AIG1: variants seen among roughly 807,000 people sequenced by gnomAD.
AIG1 encodes the protein androgen-induced gene 1 protein.
AIG1 carries 23 observed loss-of-function variants against 31.4 expected under a neutral mutation model. The observed-to-expected ratio is 0.73, with a 90% CI of 0.53 to 1.04. The LOEUF (loss-of-function observed/expected upper bound fraction) is 1.04, where lower values mean the gene tolerates loss of function less well. Ranked by LOEUF, AIG1 falls within the 50% of genes least tolerant of loss-of-function variation. The probability of loss-of-function intolerance (pLI) is 0.00; values close to 1 mark genes in which losing one functional copy is unlikely to be tolerated. For synonymous variants in AIG1, 100 were observed against 110.5 expected (o/e 0.90, Z 0.60); for missense variants, 274 against 295.0 (o/e 0.93, Z 0.52).
At chr6:143,229,596 T>C (rs1014569020) in intron 3 of AIG1, among the ~76,000 whole-genome samples, 4 of 152,174 alleles carry the variant, frequency 2.6e-5, no homozygotes, top group African/African-American at 4.8e-5. Flanking sequence ...TGTCATTGCT[T>C]GTGTCTCAAA....
At chr6:143,125,570 C>T (rs1404415701) in intron 1 of AIG1, among the ~76,000 whole-genome samples, 5 of 152,178 alleles carry the variant, frequency 3.3e-5, no homozygotes. Flanking sequence ...GCTGAGGAAG[C>T]TCAGTCAGAA....
intron 3 of AIG1, among the ~76,000 whole-genome samples, chr6:143,201,101 A>T (rs1790660674): frequency 1.3e-5 from 2 of 152,166 alleles, no homozygotes; most frequent in South Asian, 4.1e-4. Context: ...TCCATGGGAC[A>T]ATTCTATCAG....
At chr6:143,167,294 A>T (rs1787060288) in intron 3 of AIG1, among the ~76,000 whole-genome samples, 1 of 152,198 alleles carries the variant, frequency 6.6e-6, no homozygotes, top group South Asian at 2.1e-4. Context: ...TGATATCTCC[A>T]AATATGAGGA....
chr6:143,181,198 C>T (rs763784620), intron 3 of AIG1, among the ~76,000 whole-genome samples: 20 of 152,198 alleles, frequency 1.3e-4, no homozygotes, highest in South Asian at 8.3e-4. Context: ...ATTTTCCACA[C>T]GTATTCTAAA....
chr6:143,204,961 G>A (rs1005120010), intron 3 of AIG1, among the ~76,000 whole-genome samples: 7 of 152,070 alleles, frequency 4.6e-5, no homozygotes, highest in South Asian at 4.2e-4. Context: ...CTTTTACCTC[G>A]GGGTTGTTTC....
intron 3 of AIG1, among the ~76,000 whole-genome samples, chr6:143,208,622 G>A (rs969428284): frequency 5.3e-5 from 8 of 152,126 alleles, no homozygotes; most frequent in South Asian, 2.1e-4. Context: ...CAGCAAAATA[G>A]TGGCATCATA....
intron 2 of AIG1, among the ~76,000 whole-genome samples, chr6:143,156,653 G>C (rs187443912): frequency 1.4e-3 from 216 of 152,342 alleles, no homozygotes; most frequent in Non-Finnish European, 1.9e-3. Flanking sequence ...ACCACATGCA[G>C]AAGGAGGCAG....
In AIG1 at chr6:143,329,505, C is replaced by T. The variant is rs1001413736; in HGVS notation, c.516-3777C>T. On this transcript the variant is annotated intron_variant, in intron 4 of 5. Coordinates refer to ENST00000357847, the MANE Select transcript of AIG1 (RefSeq NM_016108.4). This position sits in a 1 kb window ranked among gnomAD's most constrained non-coding sequence, Gnocchi z 4.9. The stretch of plus-strand genomic sequence containing the variant: ...AGCTCTGACATAGTCTCATTTATAC[C>T]CTATAAGCTCTGATTCATACAATAG... 1.3e-5 allele frequency among the ~76,000 whole-genome samples: 2 copies of T among 152,060 alleles called. No individual in the cohort carries two copies. Among genetic ancestry groups the T allele is most frequent in the African/African-American group, 4.8e-5 (2 of 41,392 alleles).
chr6:143,255,613 A>G (rs371376671), intron 3 of AIG1, among the ~76,000 whole-genome samples: 5 of 152,242 alleles, frequency 3.3e-5, no homozygotes, highest in Admixed American at 1.3e-4. Flanking sequence ...AATTTTGGGG[A>G]ACACAATTCA....
At chr6:143,124,772 C>T (rs1438902328) in intron 1 of AIG1, among the ~76,000 whole-genome samples, 1 of 152,110 alleles carries the variant, frequency 6.6e-6, no homozygotes, top group East Asian at 1.9e-4. Context: ...GGAGTGGGTG[C>T]AAGTGGGGGA....
At chr6:143,246,381 A>G (rs1490745421) in intron 3 of AIG1, among the ~76,000 whole-genome samples, 1 of 152,142 alleles carries the variant, frequency 6.6e-6, no homozygotes, top group African/African-American at 2.4e-5. Context: ...GGGTGGCAGC[A>G]GGCAAAAAGA....
In AIG1 at chr6:143,329,662, C is replaced by G. The variant is rs900804576; in HGVS notation, c.516-3620C>G. ...GCAGATGACAGCCGGTGTGCCAAATCCAGCCCACCACCTGGATTTTTGTTT... is the reference window on the plus strand; with the variant it reads ...GCAGATGACAGCCGGTGTGCCAAATGCAGCCCACCACCTGGATTTTTGTTT... On this transcript the variant is annotated intron_variant, in intron 4 of 5. Coordinates refer to ENST00000357847, the MANE Select transcript of AIG1 (RefSeq NM_016108.4). This position sits in a 1 kb window ranked among gnomAD's most constrained non-coding sequence, Gnocchi z 4.9. Among the ~76,000 whole-genome samples, 1 of 149,910 alleles carries G rather than the reference C, an allele frequency of 6.7e-6. No homozygotes were observed. Among genetic ancestry groups the G allele is most frequent in the Non-Finnish European group, 1.5e-5 (1 of 67,364 alleles).
At chr6:143,232,405 T>C (rs1484793676) in intron 3 of AIG1, among the ~76,000 whole-genome samples, 4 of 152,144 alleles carry the variant, frequency 2.6e-5, no homozygotes, top group East Asian at 1.9e-4. Flanking sequence ...CTTAGTCAAA[T>C]AGACTCTGTC....
intron 4 of AIG1, among the ~76,000 whole-genome samples, chr6:143,332,236 A>G (rs1206599284): frequency 6.6e-6 from 1 of 152,172 alleles, no homozygotes; most frequent in Non-Finnish European, 1.5e-5. Context: ...TGACCTCAGA[A>G]CACATAAGTA....
intron 4 of AIG1, among the ~76,000 whole-genome samples, chr6:143,313,464 A>T (rs182576868): frequency 6.6e-6 from 1 of 152,230 alleles, no homozygotes; most frequent in African/African-American, 2.4e-5. Context: ...GAAAGACAAA[A>T]TTCACATGTT....
Position 143,312,905 on chromosome 6 carries a change from A to T in AIG1, c.516-20377A>T, listed in dbSNP as rs115468502. 4.9e-3 allele frequency among the ~76,000 whole-genome samples: 752 copies of T among 152,190 alleles called. 4 individuals carry two copies. The highest frequency in any genetic ancestry group is 0.017 in the African/African-American group (709 of 41,568). On this transcript the variant is annotated intron_variant, in intron 4 of 5. Coordinates refer to ENST00000357847, the MANE Select transcript of AIG1 (RefSeq NM_016108.4). ...GATTCAAAAATTGGCAAAAAATCTG[A>T]ATAGACCTCAAAAGAAGACATACAA...
intron 2 of AIG1, among the ~76,000 whole-genome samples, chr6:143,145,346 A>G (rs1281634522): frequency 6.6e-6 from 1 of 152,178 alleles, no homozygotes; most frequent in Admixed American, 6.5e-5. Flanking sequence ...TGAGACTTGT[A>G]CATTTTCTAT....
At chr6:143,230,698 G>A (rs1793381183) in intron 3 of AIG1, among the ~76,000 whole-genome samples, 1 of 151,686 alleles carries the variant, frequency 6.6e-6, no homozygotes, top group Non-Finnish European at 1.5e-5. Context: ...TTACTTAGAT[G>A]GTCAGTAAAA....
At chr6:143,286,002 A>G (rs1797658402) in intron 4 of AIG1, among the ~76,000 whole-genome samples, 1 of 151,746 alleles carries the variant, frequency 6.6e-6, no homozygotes, top group Admixed American at 6.6e-5. Flanking sequence ...ATAGTTTAAA[A>G]ATCAGTCTCG....
Sources: allele counts gnomAD v4.1 joint callset (sites outside exome capture counted in the v4.1 genomes callset), GRCh38; gene constraint gnomAD v4.1.1; non-coding constraint Gnocchi (gnomAD v3.1); transcripts MANE v1.5; gene names NCBI Gene and HGNC (gene_info 2026-07-23, HGNC 2026-07-21).